MAP2K4: variants seen among roughly 807,000 people sequenced by gnomAD.
The protein encoded by MAP2K4 is dual specificity mitogen-activated protein kinase kinase 4.
Under a neutral mutation model 48.5 loss-of-function variants are expected in MAP2K4, and 4 were observed. The ratio of observed to expected loss-of-function variants is 0.08; its 90% CI spans 0.04 to 0.19. The LOEUF (loss-of-function observed/expected upper bound fraction) is 0.19. Ranked by LOEUF, MAP2K4 falls within the 10% of genes least tolerant of loss-of-function variation. The probability of loss-of-function intolerance (pLI) is 1.00; values close to 1 mark genes in which losing one functional copy is unlikely to be tolerated. For synonymous variants in MAP2K4, 166 were observed against 173.1 expected (o/e 0.96, Z 0.32); for missense variants, 258 against 493.3 (o/e 0.52, Z 4.52).
intron 9 of MAP2K4, among the ~76,000 whole-genome samples, chr17:12,135,053 C>T (rs2151594947): frequency 6.6e-6 from 1 of 152,156 alleles, no homozygotes; most frequent in Non-Finnish European, 1.5e-5. Flanking sequence ...CAGGAATGTG[C>T]CACTACACCT....
chr17:12,118,004 C>A (rs1299398183), intron 7 of MAP2K4, among the ~76,000 whole-genome samples: 1 of 152,152 alleles, frequency 6.6e-6, no homozygotes, highest in African/African-American at 2.4e-5. Context: ...GTATGCTCAT[C>A]ATGAAATGAA....
At chr17:12,094,472 C>T (rs1158969946) in intron 3 of MAP2K4, among the ~76,000 whole-genome samples, 6 of 152,116 alleles carry the variant, frequency 3.9e-5, no homozygotes, top group East Asian at 3.8e-4. Context: ...ACAGATACTT[C>T]GAAGTCTTTG....
At chr17:12,109,943 C>G (rs1006455277) in intron 5 of MAP2K4, among the ~76,000 whole-genome samples, 2 of 151,658 alleles carry the variant, frequency 1.3e-5, no homozygotes, top group Admixed American at 6.6e-5. Flanking sequence ...GCTTGGGCAA[C>G]ATAGTGAGAA....
chr17:12,024,503 T>C (rs553275647), intron 1 of MAP2K4, among the ~76,000 whole-genome samples: 23 of 152,324 alleles, frequency 1.5e-4, no homozygotes, highest in African/African-American at 5.5e-4. Context: ...CCTTTATACG[T>C]TGAGTAGTTC....
At chr17:12,103,473 T>A (rs989158972) in intron 4 of MAP2K4, among the ~76,000 whole-genome samples, 16 of 152,174 alleles carry the variant, frequency 1.1e-4, no homozygotes, top group African/African-American at 3.9e-4. Context: ...GTTTGTTTCT[T>A]AAGGTGGTCC....
rs1369488958 is a variant in MAP2K4 at position 12,046,559 on chromosome 17, G to A, written c.116-8330G>A. Among the ~76,000 whole-genome samples, 7 of 152,136 alleles carry A rather than the reference G, an allele frequency of 4.6e-5. No homozygotes were observed. In the East Asian group the frequency reaches 9.6e-4, roughly 21 times the overall value. On this transcript the variant is annotated intron_variant, in intron 1 of 10. Coordinates refer to ENST00000353533, the MANE Select transcript of MAP2K4 (RefSeq NM_003010.4). Reference sequence around the variant, plus strand: ...CATCTGGCTCAGAGTCTGATAGAAAGTGTTGCTGTTATTGGCTTTAAGTGA... The same window carrying A: ...CATCTGGCTCAGAGTCTGATAGAAAATGTTGCTGTTATTGGCTTTAAGTGA...
In MAP2K4 at chr17:12,046,778, C is replaced by T. The variant is rs150293037; in HGVS notation, c.116-8111C>T. Among the ~76,000 whole-genome samples the T allele has an allele frequency of 7.0e-3, 1,067 of 152,250 alleles. 9 individuals are homozygous for T. The highest frequency in any genetic ancestry group is 0.012 in the Non-Finnish European group (833 of 68,020). On this transcript the variant is annotated intron_variant, in intron 1 of 10. Coordinates refer to ENST00000353533, the MANE Select transcript of MAP2K4 (RefSeq NM_003010.4). ...GGAATTTAGGGTGTTTTGGGAGCTG[C>T]ATTCCATGAAGCTTCATAAACCCCT...
chr17:12,131,191 A>G (rs1346590121), intron 9 of MAP2K4, among the ~76,000 whole-genome samples: 1 of 151,216 alleles, frequency 6.6e-6, no homozygotes, highest in Non-Finnish European at 1.5e-5. Context: ...GGCTTTCAGA[A>G]CCCATTACGA....
intron 3 of MAP2K4, among the ~76,000 whole-genome samples, chr17:12,085,502 G>C (rs796678825): frequency 6.6e-6 from 1 of 151,884 alleles, no homozygotes; most frequent in Non-Finnish European, 1.5e-5. Flanking sequence ...GACCTGGTAT[G>C]CAAGAGTTTC....
chr17:12,066,990 T>G (rs1445713359), intron 2 of MAP2K4, among the ~76,000 whole-genome samples: 2 of 152,110 alleles, frequency 1.3e-5, no homozygotes, highest in East Asian at 3.9e-4. Context: ...ATGGCTAATT[T>G]TTGTATTTTT....
intron 1 of MAP2K4, among the ~76,000 whole-genome samples, chr17:12,024,163 T>C (rs1438562948): frequency 1.3e-5 from 2 of 152,190 alleles, no homozygotes; most frequent in African/African-American, 4.8e-5. Flanking sequence ...GATCTGTTTT[T>C]TTCTGGATCT....
chr17:12,114,550 T>G (rs1304503543), intron 7 of MAP2K4, among the ~76,000 whole-genome samples: 1 of 152,068 alleles, frequency 6.6e-6, no homozygotes, highest in Non-Finnish European at 1.5e-5. Context: ...GGCACAATAG[T>G]TTCAAAGGCA....
intron 1 of MAP2K4, among the ~76,000 whole-genome samples, chr17:12,052,089 A>T (rs1341696763): frequency 2.0e-5 from 3 of 152,106 alleles, no homozygotes; most frequent in African/African-American, 7.2e-5. Context: ...ACTGATCAGC[A>T]TTTGAAGAGT....
chr17:12,088,809 T>C (rs990514118), intron 3 of MAP2K4, among the ~76,000 whole-genome samples: 3 of 151,238 alleles, frequency 2.0e-5, no homozygotes, highest in African/African-American at 7.3e-5. Flanking sequence ...ACTGTCATCA[T>C]AGGGAGCTTT....
In MAP2K4 at chr17:12,063,125, A is replaced by ATT; in HGVS notation, c.218+8135_218+8136dup. 1.3e-5 allele frequency among the ~76,000 whole-genome samples: 2 copies of ATT among 152,154 alleles called. 1 individual carries two copies. The highest frequency in any genetic ancestry group is 2.9e-5 in the Non-Finnish European group (2 of 68,036). On this transcript the variant is annotated intron_variant, in intron 2 of 10. Coordinates refer to ENST00000353533, the MANE Select transcript of MAP2K4 (RefSeq NM_003010.4). ...AAAATATGTGTAATGTGACATTTTG[A>ATT]TTCTAAAATATGTATGAAAATGCAA...
Position 12,129,150 on chromosome 17 carries a change from C to T in MAP2K4, c.903C>T (p.Ala301=). ...TTTGTTCTCTTTAGTATGAGTTGGC[C>T]ACAGGCCGATTTCCTTATCCAAAGT... ...WSLGITLYEL[A]TGRFPYPKWN... Residue 301 remains alanine, a synonymous_variant, in exon 9 of 11, where the codon GCC becomes GCT. Transcript: ENST00000353533. 6.2e-7 allele frequency: 1 copy of T among 1,613,728 alleles called. No homozygotes were observed. The highest frequency in any genetic ancestry group is 8.5e-7 in the Non-Finnish European group (1 of 1,179,976).
At chr17:12,129,672 C>G (rs1972964763) in intron 9 of MAP2K4, among the ~76,000 whole-genome samples, 1 of 152,218 alleles carries the variant, frequency 6.6e-6, no homozygotes, top group African/African-American at 2.4e-5. Context: ...CAAGAGCTTG[C>G]CAGATCAGAC....
chr17:12,042,167 CA>C (rs71142262), intron 1 of MAP2K4, among the ~76,000 whole-genome samples: 282 of 55,388 alleles, frequency 5.1e-3, no homozygotes, highest in African/African-American at 0.018. Context: ...AACTTTGTCT[CA>C]AAAAAAAAAA....
intron 1 of MAP2K4, among the ~76,000 whole-genome samples, chr17:12,027,392 G>A (rs1017580563): frequency 6.6e-6 from 1 of 151,874 alleles, no homozygotes; most frequent in African/African-American, 2.4e-5. Flanking sequence ...CAGCTTTTTC[G>A]AGCTATATTG....
Sources: allele counts gnomAD v4.1 joint callset (sites outside exome capture counted in the v4.1 genomes callset), GRCh38; gene constraint gnomAD v4.1.1; transcripts MANE v1.5; gene names NCBI Gene and HGNC (gene_info 2026-07-23, HGNC 2026-07-21).